The following USP6 variants were observed in gnomAD, a reference collection of about 807,000 sequenced individuals.
USP6 encodes ubiquitin specific peptidase 6, also known as ubiquitin carboxyl-terminal hydrolase 6.
A neutral mutation model predicts 175.7 loss-of-function variants in USP6; 128 were observed. The observed-to-expected ratio is 0.73, with a 90% confidence interval of 0.63 to 0.84. The LOEUF (loss-of-function observed/expected upper bound fraction) is 0.84, where lower values mean the gene tolerates loss of function less well. USP6 is among the 40% of genes least tolerant of loss of function. The pLI, the probability that USP6 is intolerant of heterozygous loss-of-function variation, is 0.00. For synonymous variants in USP6, 562 were observed against 630.6 expected, an observed-to-expected ratio of 0.89 and a Z score of 1.63; for missense variants, 1,498 against 1,760.3, an observed-to-expected ratio of 0.85 and a Z score of 2.67.
intron 30 of USP6, among the ~76,000 whole-genome samples, chr17:5,151,119 G>T (rs898493919): frequency 6.6e-6 from 1 of 151,916 alleles, no homozygotes; most frequent in Non-Finnish European, 1.5e-5. Flanking sequence ...CACATTTACT[G>T]GTTCCAGGGG....
rs748385127 is a variant in USP6, at chr17:5,142,382, C to T, written c.1713-15C>T. On this transcript the variant is annotated splice_polypyrimidine_tract_variant and intron_variant, in intron 24 of 37. Coordinates refer to ENST00000574788, the MANE Select transcript of USP6 (RefSeq NM_001304284.2). ...TGAGAATCTTTGGCAACAAATTTTC[C>T]TCTCAAACTTCTAGGACAAATCCCA... is the stretch of plus-strand genomic sequence containing the variant. 1 of 1,600,722 alleles carries T rather than the reference C, an allele frequency of 6.2e-7. No individual in the cohort carries two copies. Among genetic ancestry groups the T allele is most frequent in the Non-Finnish European group, 8.5e-7 (1 of 1,171,310 alleles).
At position 5,147,160 on chromosome 17, in the gene USP6, A is replaced by G. The variant is rs545838912; in HGVS notation, c.2397A>G (p.Ser799=). The G allele has an allele frequency of 1.9e-6, 3 of 1,613,646 alleles. No individual in the cohort carries two copies. The East Asian group carries it at 6.7e-5, about 36-fold the overall frequency. ...GTGCATTTGAAATTCCTGTCCCTTC[A>G]TCTCCAATTTCAGCTTCTAGTCCAA... The part of the protein sequence containing the change: ...FLCAFEIPVP[S]SPISASSPTQ... The change falls in exon 29 of 38, where the codon TCA becomes TCG. Residue 799 remains serine, a synonymous_variant. Coordinates refer to ENST00000574788, the MANE Select transcript of USP6 (RefSeq NM_001304284.2).
At chr17:5,155,839 C>A (rs2073871606) in intron 31 of USP6, among the ~76,000 whole-genome samples, 1 of 152,176 alleles carries the variant, frequency 6.6e-6, no homozygotes, top group Non-Finnish European at 1.5e-5. Flanking sequence ...GTAGGAGGGA[C>A]AATACAGCTT....
rs1311807591 is a variant in USP6 at position 5,168,098 on chromosome 17, A to C, written c.3203A>C (p.Asp1068Ala). 4 of 1,609,916 alleles carry C rather than the reference A, an allele frequency of 2.5e-6. No individual in the cohort carries two copies. Among genetic ancestry groups the C allele is most frequent in the Non-Finnish European group, 2.5e-6 (3 of 1,178,172 alleles). The change falls in exon 34 of 38, where the codon GAT becomes GCT. Residue 1068 changes from aspartate (D) to alanine (A), a missense_variant. Transcript: ENST00000574788. ...KTHCLATKKL[D>A]LWRLPPFLII... The stretch of plus-strand genomic sequence containing the variant: ...CACTGCTTAGCAACAAAGAAGCTGG[A>C]TCTCTGGAGGCTTCCACCCTTCCTG...
At chr17:5,120,894 C>A (rs1266910126) in intron 3 of USP6, 106 bp downstream of exon 3, 1 of 454,410 alleles carries the variant, frequency 2.2e-6, no homozygotes, top group South Asian at 1.6e-5. Flanking sequence ...GTTGGAAGGA[C>A]TTTGGAAACC....
chr17:5,157,791 C>T lies in USP6; in HGVS notation c.2828+2185C>T, dbSNP rs142988310. On this transcript the variant is annotated intron_variant, in intron 31 of 37. Transcript: ENST00000574788. Reference sequence around the variant, plus strand: ...GAGTACAGGTGCACACCACCACACTCGGCTAATTTTTGTATTTTTAGTAGA... The same window carrying T: ...GAGTACAGGTGCACACCACCACACTTGGCTAATTTTTGTATTTTTAGTAGA... Among the ~76,000 whole-genome samples, 1,127 of 152,146 alleles carry T rather than the reference C, an allele frequency of 7.4e-3. 14 individuals carry two copies. Among genetic ancestry groups the T allele is most frequent in the African/African-American group, 0.026 (1,082 of 41,498 alleles).
chr17:5,131,344 A>G (rs1472902483), intron 11 of USP6, among the ~76,000 whole-genome samples: 2 of 142,926 alleles, frequency 1.4e-5, no homozygotes, highest in East Asian at 2.2e-4. Flanking sequence ...CTGGAGCCCA[A>G]CCCTCAGGGA....
chr17:5,149,746 G>A (rs1020046304), intron 30 of USP6, among the ~76,000 whole-genome samples: 2 of 151,474 alleles, frequency 1.3e-5, no homozygotes, highest in African/African-American at 2.4e-5. Context: ...AAATCAAGTT[G>A]TGCATAATTC....
At position 5,137,990 on chromosome 17, in the gene USP6, G is replaced by T. The variant is rs1598018036; in HGVS notation, c.926-131G>T. The T allele has an allele frequency of 3.2e-5, 50 of 1,553,292 alleles. No homozygotes were observed. In the South Asian group the frequency reaches 5.8e-4, roughly 18 times the overall value. On this transcript the variant is annotated intron_variant, in intron 20 of 37. Transcript: ENST00000574788. Reference sequence around the variant, plus strand: ...TCACCCCCCAGCCACAGTCTCCTGTGTACATCTGGATGCCTGGGGTGGCCA... The same window carrying T: ...TCACCCCCCAGCCACAGTCTCCTGTTTACATCTGGATGCCTGGGGTGGCCA...
At chr17:5,154,322 A>T (rs1314124402) in intron 30 of USP6, among the ~76,000 whole-genome samples, 1 of 152,212 alleles carries the variant, frequency 6.6e-6, no homozygotes, top group Non-Finnish European at 1.5e-5. Flanking sequence ...TTACTCAATA[A>T]ATACCAAACT....
At position 5,132,673 on chromosome 17, in the gene USP6, C is replaced by T. The variant is rs1245103522; in HGVS notation, c.196-237C>T. Among the ~76,000 whole-genome samples, 2 of 152,176 alleles carry T rather than the reference C, an allele frequency of 1.3e-5. No homozygotes were observed. The highest frequency in any genetic ancestry group is 3.9e-4 in the East Asian group (2 of 5,182). Reference sequence around the variant, plus strand: ...GCTGCGCGCTTGTGTCAGGACCCCACCTAGAGGCTGGGACCTAAGACTGGT... The same window carrying T: ...GCTGCGCGCTTGTGTCAGGACCCCATCTAGAGGCTGGGACCTAAGACTGGT... On this transcript the variant is annotated intron_variant, in intron 12 of 37. Coordinates refer to ENST00000574788, the MANE Select transcript of USP6 (RefSeq NM_001304284.2). The surrounding 1 kb of genome is among the most constrained non-coding windows in gnomAD (Gnocchi z 4.7).
rs1476419967 is a variant in USP6, at chr17:5,174,961, C to T, written c.*1983C>T. The T allele has an allele frequency of 1.1e-5, 2 of 188,504 alleles. No homozygotes were observed. Among genetic ancestry groups the T allele is most frequent in the African/African-American group, 2.3e-5 (1 of 42,782 alleles). 11.7% of individuals were successfully genotyped at this position (188,504 alleles called of 1,614,324 possible). ...TACCTGTTTATCTGTTAACTATTAT[C>T]CAAACAAATTAAATACTGTGGTTGC... On this transcript the variant is annotated 3_prime_UTR_variant, in exon 38 of 38. Coordinates refer to ENST00000574788, the MANE Select transcript of USP6 (RefSeq NM_001304284.2).
In USP6 at chr17:5,121,437, G is replaced by T; in HGVS notation, c.-1612G>T. The T allele has an allele frequency of 3.2e-6, 1 of 309,292 alleles. No individual in the cohort carries two copies. Among genetic ancestry groups the T allele is most frequent in the Admixed American group, 4.5e-5 (1 of 22,260 alleles). 19.2% of individuals were successfully genotyped at this position (309,292 alleles called of 1,614,324 possible). A position where few individuals can be genotyped will look rare whatever the true frequency, so the allele number is the denominator to read the frequency against. Reference sequence around the variant, plus strand: ...AGGCCCTGCAGAGCGGCAGGATAGAGATATGGAGCTCTACATCTCTGTGCA... The same window carrying T: ...AGGCCCTGCAGAGCGGCAGGATAGATATATGGAGCTCTACATCTCTGTGCA... On this transcript the variant is annotated 5_prime_UTR_variant, in exon 4 of 38. Coordinates refer to ENST00000574788, the MANE Select transcript of USP6 (RefSeq NM_001304284.2).
Position 5,133,915 on chromosome 17 carries a change from C to T in USP6, c.413C>T (p.Ser138Phe), listed in dbSNP as rs746540113. 6.2e-7 allele frequency: 1 copy of T among 1,614,160 alleles called. No individual in the cohort carries two copies. The highest frequency in any genetic ancestry group is 8.5e-7 in the Non-Finnish European group (1 of 1,180,000). The change falls in exon 15 of 38, where the codon TCT becomes TTT. Residue 138 changes from serine to phenylalanine, a missense_variant. This residue lies in a region of USP6 where 281 missense variants were observed against 259.6 expected (regional missense o/e 1.08). Transcript: ENST00000574788. ...ATGAAGGAGAGGGGCAAGAGGTCAT[C>T]TGAACACATCCACCACATCGACCTG... ...QIMKERGKRS[S>F]EHIHHIDLDV...
chr17:5,117,218 A>AT (rs1266770242), intron 1 of USP6, among the ~76,000 whole-genome samples: 2 of 152,306 alleles, frequency 1.3e-5, no homozygotes, highest in African/African-American at 4.8e-5. Context: ...TGCTTAACAC[A>AT]TATTAAAAGC....
Position 5,121,447 on chromosome 17 carries a change from T to C in USP6, c.-1602T>C. 1 of 292,154 alleles carries C rather than the reference T, an allele frequency of 3.4e-6. No individual in the cohort carries two copies. The highest frequency in any genetic ancestry group is 6.7e-6 in the Non-Finnish European group (1 of 150,202). 18.1% of individuals were successfully genotyped at this position (292,154 alleles called of 1,614,324 possible). A position where few individuals can be genotyped will look rare whatever the true frequency, so the allele number is the denominator to read the frequency against. On this transcript the variant is annotated 5_prime_UTR_variant, in exon 4 of 38. Transcript: ENST00000574788. The stretch of plus-strand genomic sequence containing the variant: ...GAGCGGCAGGATAGAGATATGGAGC[T>C]CTACATCTCTGTGCAGAACCTGAGC...
intron 29 of USP6, 85 bp downstream of exon 29, chr17:5,147,279 CT>C: frequency 7.2e-7 from 1 of 1,396,420 alleles, no homozygotes; most frequent in East Asian, 2.5e-5. Context: ...TTTGTTCATG[CT>C]GAGGATGTTA....
Position 5,116,635 on chromosome 17 carries a change from C to A in USP6, c.-2033C>A, listed in dbSNP as rs1055122084. ...GTCTGTCAGGAAAGGCGGGCAGATA[C>A]GTGAGGCCTGAACAGGAAGGAACTG... On this transcript the variant is annotated 5_prime_UTR_variant, in exon 1 of 38. Coordinates refer to ENST00000574788, the MANE Select transcript of USP6 (RefSeq NM_001304284.2). 2.6e-5 allele frequency: 4 copies of A among 152,226 alleles called. No homozygotes were observed. The highest frequency in any genetic ancestry group is 9.6e-5 in the African/African-American group (4 of 41,456). The allele number at this position is 152,226 out of a possible 1,614,324, so 9.4% of individuals were successfully genotyped here. A position where few individuals can be genotyped will look rare whatever the true frequency, so the allele number is the denominator to read the frequency against.
At chr17:5,128,020 A>G (rs1201118552) in intron 7 of USP6, among the ~76,000 whole-genome samples, 1 of 152,196 alleles carries the variant, frequency 6.6e-6, no homozygotes, top group African/African-American at 2.4e-5. Context: ...GTTGCTAATG[A>G]GTACAGGGGA....
Sources: allele counts gnomAD v4.1 joint callset (sites outside exome capture counted in the v4.1 genomes callset), GRCh38; gene constraint gnomAD v4.1.1; regional missense constraint gnomAD v4.1.1; non-coding constraint Gnocchi (gnomAD v3.1); transcripts MANE v1.5; gene names NCBI Gene and HGNC (gene_info 2026-07-23, HGNC 2026-07-21).